Variants in PTPRG observed in about 807,000 individuals in gnomAD.
The protein encoded by PTPRG is receptor-type tyrosine-protein phosphatase gamma.
PTPRG carries 102 observed loss-of-function variants against 165.3 expected under a neutral mutation model. The observed-to-expected ratio is 0.62, with a 90% CI of 0.53 to 0.73. PTPRG has a LOEUF of 0.73. PTPRG is among the 30% of genes least tolerant of loss of function. The pLI is 0.00. For missense variants in PTPRG, 1,866 were observed against 1,861.4 expected (o/e 1.00, Z -0.05); for synonymous variants, 675 against 669.5 (o/e 1.01, Z -0.13).
intron 5 of PTPRG, among the ~76,000 whole-genome samples, chr3:62,103,779 G>A (rs1559509381): frequency 6.6e-6 from 1 of 152,238 alleles, no homozygotes; most frequent in African/African-American, 2.4e-5. Context: ...GGCAGAGGAA[G>A]TGGGTAGCCT....
At chr3:62,202,320 G>A (rs893293393) in intron 11 of PTPRG, among the ~76,000 whole-genome samples, 2 of 152,186 alleles carry the variant, frequency 1.3e-5, no homozygotes, top group Admixed American at 1.3e-4. Flanking sequence ...CCCTGCATTT[G>A]TGCCTTCCAG....
intron 2 of PTPRG, among the ~76,000 whole-genome samples, chr3:61,765,149 G>A (rs1045382749): frequency 1.3e-5 from 2 of 152,334 alleles, no homozygotes; most frequent in South Asian, 4.1e-4. Context: ...GGTGTGTTGT[G>A]CACAGTGGCT....
chr3:61,889,001 A>C (rs912423511), intron 2 of PTPRG, among the ~76,000 whole-genome samples: 1 of 152,238 alleles, frequency 6.6e-6, no homozygotes, highest in African/African-American at 2.4e-5. Context: ...TTCTCAGTGC[A>C]TATCAGGAGG....
At chr3:62,278,257 T>C (rs903064518) in intron 26 of PTPRG, among the ~76,000 whole-genome samples, 2 of 151,902 alleles carry the variant, frequency 1.3e-5, no homozygotes, top group Non-Finnish European at 2.9e-5. Flanking sequence ...CCCCAAAATA[T>C]TGTATCAAAA....
At chr3:62,188,862 G>A (rs1346681620) in intron 8 of PTPRG, among the ~76,000 whole-genome samples, 1 of 152,134 alleles carries the variant, frequency 6.6e-6, no homozygotes, top group Non-Finnish European at 1.5e-5. Context: ...ATCATTATGG[G>A]ATATAGAAGC....
chr3:62,140,183 T>G (rs1464527985), intron 6 of PTPRG, among the ~76,000 whole-genome samples: 1 of 152,236 alleles, frequency 6.6e-6, no homozygotes, highest in Non-Finnish European at 1.5e-5. Flanking sequence ...CTGCCGGGGA[T>G]GCACTTGGTT....
chr3:61,964,585 A>G (rs2040225381), intron 2 of PTPRG, among the ~76,000 whole-genome samples: 1 of 151,972 alleles, frequency 6.6e-6, no homozygotes. Flanking sequence ...AGGGAAAGTG[A>G]TATGACCTGT....
intron 9 of PTPRG, among the ~76,000 whole-genome samples, chr3:62,192,110 C>T (rs1335498604): frequency 6.6e-6 from 1 of 152,128 alleles, no homozygotes; most frequent in Admixed American, 6.5e-5. Flanking sequence ...CTGATGTCAC[C>T]ACCACCACTG....
chr3:61,791,136 C>T (rs879557113), intron 2 of PTPRG, among the ~76,000 whole-genome samples: 1 of 152,144 alleles, frequency 6.6e-6, no homozygotes, highest in Non-Finnish European at 1.5e-5. Flanking sequence ...TTGACTTCTG[C>T]ACCTGTTTTT....
At chr3:61,748,145 T>G (rs1034717429) in intron 1 of PTPRG, among the ~76,000 whole-genome samples, 1 of 152,222 alleles carries the variant, frequency 6.6e-6, no homozygotes, top group South Asian at 2.1e-4. Context: ...TTGTGGGCCT[T>G]GGAGGCTTTC....
At chr3:61,786,130 G>A (rs57247025) in intron 2 of PTPRG, among the ~76,000 whole-genome samples, 28,198 of 152,120 alleles carry the variant, frequency 0.19, 3,661 homozygotes, top group East Asian at 0.47. Flanking sequence ...TGGAAATAAA[G>A]ACAAACAAAC....
intron 1 of PTPRG, among the ~76,000 whole-genome samples, chr3:61,563,398 C>T (rs948287014): frequency 2.0e-5 from 3 of 152,102 alleles, no homozygotes; most frequent in Non-Finnish European, 2.9e-5. Context: ...CTGGCAGTTC[C>T]CCCTCCTCTC....
At chr3:61,968,504 A>C (rs1309272582) in intron 2 of PTPRG, among the ~76,000 whole-genome samples, 2 of 152,172 alleles carry the variant, frequency 1.3e-5, no homozygotes, top group African/African-American at 4.8e-5. Flanking sequence ...AAATTGATAA[A>C]GTTTTAATAT....
rs946692012 is a variant in PTPRG, at chr3:62,271,244, C to T, written c.3010-139C>T. On this transcript the variant is annotated intron_variant, in intron 20 of 29. Transcript: ENST00000474889. The surrounding 1 kb of genome is among the most constrained non-coding windows in gnomAD (Gnocchi z 4.1). ...AATTTAATGGCATGAAAGTTGGCTA[C>T]AAGGGGGAATAACCTAGCCTGGGAA... 1.5e-6 allele frequency: 1 copy of T among 665,468 alleles called. No individual in the cohort carries two copies. The highest frequency in any genetic ancestry group is 2.4e-6 in the Non-Finnish European group (1 of 412,040). The allele number at this position is 665,468 out of a possible 1,614,324, so 41.2% of individuals were successfully genotyped here. A position where few individuals can be genotyped will look rare whatever the true frequency, so the allele number is the denominator to read the frequency against.
intron 2 of PTPRG, among the ~76,000 whole-genome samples, chr3:61,927,124 A>G (rs947021242): frequency 1.3e-5 from 2 of 152,200 alleles, no homozygotes; most frequent in African/African-American, 4.8e-5. Context: ...TCCATTTCAG[A>G]ATCCGCTTCT....
intron 2 of PTPRG, among the ~76,000 whole-genome samples, chr3:61,893,804 A>G (rs1405459403): frequency 6.6e-6 from 1 of 152,158 alleles, no homozygotes; most frequent in Non-Finnish European, 1.5e-5. Flanking sequence ...TGGTTAGGGA[A>G]CTTTTAAGAG....
intron 1 of PTPRG, among the ~76,000 whole-genome samples, chr3:61,639,123 T>C (rs1701996939): frequency 1.3e-5 from 2 of 152,222 alleles, no homozygotes; most frequent in Non-Finnish European, 2.9e-5. Context: ...TTCCGCTGCA[T>C]ATGGCTAGCC....
intron 1 of PTPRG, among the ~76,000 whole-genome samples, chr3:61,607,048 T>C (rs1414187769): frequency 6.6e-6 from 1 of 152,158 alleles, no homozygotes; most frequent in Non-Finnish European, 1.5e-5. Flanking sequence ...AATAGCATTG[T>C]CTTAGGAAAG....
chr3:61,997,951 C>T (rs1186891063), intron 3 of PTPRG, among the ~76,000 whole-genome samples: 1 of 151,846 alleles, frequency 6.6e-6, no homozygotes, highest in Non-Finnish European at 1.5e-5. Context: ...TAATGGTAGG[C>T]TTTTTTTTCT....
Sources: gnomAD v4.1 joint callset for allele counts (sites outside exome capture counted in the v4.1 genomes callset) on GRCh38, gnomAD v4.1.1 for gene constraint, Gnocchi (gnomAD v3.1) non-coding constraint, MANE v1.5 for transcripts, NCBI Gene and HGNC (gene_info 2026-07-23, HGNC 2026-07-21) for gene names.